The following BMPER variants were observed in gnomAD, a reference collection of about 807,000 sequenced individuals.
BMPER encodes the protein BMP binding endothelial regulator, also known as BMP-binding endothelial regulator protein.
BMPER carries 45 observed loss-of-function variants against 87.3 expected under a neutral mutation model. The observed-to-expected ratio is 0.52, with a 90% CI of 0.41 to 0.66. The LOEUF (loss-of-function observed/expected upper bound fraction) is 0.66, where lower values mean the gene tolerates loss of function less well. Ranked by LOEUF, BMPER falls within the 30% of genes least tolerant of loss-of-function variation. The pLI is 0.00. For missense variants in BMPER, 784 were observed against 867.5 expected (o/e 0.90, Z 1.21); for synonymous variants, 326 against 316.2 (o/e 1.03, Z -0.33).
At chr7:33,973,183 T>G (rs1000104305) in intron 5 of BMPER, among the ~76,000 whole-genome samples, 6 of 152,202 alleles carry the variant, frequency 3.9e-5, no homozygotes, top group Non-Finnish European at 7.3e-5. Context: ...AGTGGTCAGG[T>G]GTAGATTGTT....
chr7:34,004,404 T>G (rs1786669974), intron 6 of BMPER, among the ~76,000 whole-genome samples: 1 of 152,152 alleles, frequency 6.6e-6, no homozygotes, highest in African/African-American at 2.4e-5. Context: ...AAAGACAGTT[T>G]ATATTGCTTA....
chr7:34,075,321 A>G (rs1788835749), intron 11 of BMPER, among the ~76,000 whole-genome samples: 1 of 152,232 alleles, frequency 6.6e-6, no homozygotes, highest in Non-Finnish European at 1.5e-5. Flanking sequence ...ATTGTAAACA[A>G]TGAAATGTAA....
chr7:33,908,605 T>C (rs1315172056), intron 2 of BMPER, among the ~76,000 whole-genome samples: 1 of 152,196 alleles, frequency 6.6e-6, no homozygotes, highest in East Asian at 1.9e-4. Flanking sequence ...GGGAGTGATA[T>C]TTATTACAGA....
At chr7:34,118,813 A>G (rs1041046221) in intron 13 of BMPER, among the ~76,000 whole-genome samples, 1 of 152,154 alleles carries the variant, frequency 6.6e-6, no homozygotes, top group African/African-American at 2.4e-5. Context: ...GAAGGCCTTC[A>G]TAGAAAAAGG....
At chr7:33,974,325 C>T (rs1785624665) in intron 5 of BMPER, among the ~76,000 whole-genome samples, 1 of 152,086 alleles carries the variant, frequency 6.6e-6, no homozygotes, top group African/African-American at 2.4e-5. Context: ...GCTCCAAGCC[C>T]ATGGTTGACT....
rs1791286985 is a variant in BMPER at position 34,155,553 on chromosome 7, G to C, written c.*2280G>C. ...TTAGCTGGGGATTAGCTTAATCTCT[G>C]TACATTTTTCTCATTTCTAATTGAA... is the stretch of plus-strand genomic sequence containing the variant. On this transcript the variant is annotated 3_prime_UTR_variant, in exon 15 of 15. Transcript: ENST00000649409. The C allele has an allele frequency of 6.6e-6, 1 of 152,178 alleles. No individual in the cohort carries two copies. Among genetic ancestry groups the C allele is most frequent in the Admixed American group, 6.5e-5 (1 of 15,280 alleles). 9.4% of individuals were successfully genotyped at this position (152,178 alleles called of 1,614,324 possible).
intron 13 of BMPER, among the ~76,000 whole-genome samples, chr7:34,120,621 T>C (rs10215804): frequency 0.82 from 124,561 of 151,924 alleles, 51,265 homozygotes; most frequent in East Asian, 0.95. Flanking sequence ...TGATCTCGAA[T>C]TCCCGACCTC....
chr7:34,078,371 T>C (rs1788921670), intron 11 of BMPER, among the ~76,000 whole-genome samples: 1 of 152,216 alleles, frequency 6.6e-6, no homozygotes, highest in South Asian at 2.1e-4. Flanking sequence ...GTGTTGAGTA[T>C]CAGCTTTCCT....
chr7:33,995,578 A>G (rs1303033489), intron 6 of BMPER, among the ~76,000 whole-genome samples: 1 of 152,210 alleles, frequency 6.6e-6, no homozygotes, highest in African/African-American at 2.4e-5. Context: ...ATGCCTCCAC[A>G]TTAGCATAAA....
intron 6 of BMPER, among the ~76,000 whole-genome samples, chr7:33,989,992 A>T (rs1479903592): frequency 6.6e-6 from 1 of 152,088 alleles, no homozygotes; most frequent in Non-Finnish European, 1.5e-5. Flanking sequence ...TTTTGGTACC[A>T]GTACCATGCT....
chr7:34,048,518 A>G (rs1788053219), intron 7 of BMPER, among the ~76,000 whole-genome samples: 1 of 152,176 alleles, frequency 6.6e-6, no homozygotes, highest in Non-Finnish European at 1.5e-5. Context: ...GTGTGGCACA[A>G]ATCATCATGC....
chr7:34,131,251 G>A (rs1020685841), intron 13 of BMPER, among the ~76,000 whole-genome samples: 4 of 152,134 alleles, frequency 2.6e-5, no homozygotes, highest in South Asian at 4.1e-4. Flanking sequence ...GGGACGGGTA[G>A]CACCCTGTTT....
rs544204773 is a variant in BMPER at position 34,140,940 on chromosome 7, G to A, written c.1746-2290G>A. On this transcript the variant is annotated intron_variant, in intron 13 of 14. Coordinates refer to ENST00000649409, the MANE Select transcript of BMPER (RefSeq NM_001365308.1). ...CATCCAGGTCTTGGCAGTGGGAGCCGTGTATACAGAAAGAGACCCACCCCC... is the reference window on the plus strand; with the variant it reads ...CATCCAGGTCTTGGCAGTGGGAGCCATGTATACAGAAAGAGACCCACCCCC... Among the ~76,000 whole-genome samples, 150 of 152,256 alleles carry A rather than the reference G, an allele frequency of 9.9e-4. 1 individual carries two copies. The highest frequency in any genetic ancestry group is 1.5e-3 in the South Asian group (7 of 4,822).
intron 14 of BMPER, among the ~76,000 whole-genome samples, chr7:34,145,481 A>C (rs1280671861): frequency 1.3e-5 from 2 of 152,288 alleles, no homozygotes; most frequent in East Asian, 3.9e-4. Flanking sequence ...TGAGGCTGCT[A>C]AAAGGTGAGG....
At chr7:33,943,797 C>G (rs1247140584) in intron 3 of BMPER, among the ~76,000 whole-genome samples, 1 of 152,190 alleles carries the variant, frequency 6.6e-6, no homozygotes, top group Non-Finnish European at 1.5e-5. Context: ...TCCCCCACTT[C>G]ACACTGCAAC....
chr7:34,082,780 G>A (rs995105517), intron 12 of BMPER, among the ~76,000 whole-genome samples: 9 of 152,292 alleles, frequency 5.9e-5, no homozygotes, highest in East Asian at 1.9e-4. Context: ...TAGTAAAGAC[G>A]TTGGAAATCC....
At chr7:33,920,418 G>GTTTTTTTTTTTTTTTTTTTTTTTTTT (rs879327540) in intron 2 of BMPER, among the ~76,000 whole-genome samples, 1 of 99,940 alleles carries the variant, frequency 1.0e-5, no homozygotes, top group Non-Finnish European at 1.9e-5. Flanking sequence ...AAACTCCGTT[G>GTTTTTTTTTTTTTTTTTTTTTTTTTT]TGTTTTTTTT....
intron 14 of BMPER, among the ~76,000 whole-genome samples, chr7:34,152,121 C>G (rs1343145808): frequency 6.6e-6 from 1 of 152,074 alleles, no homozygotes; most frequent in Non-Finnish European, 1.5e-5. Flanking sequence ...GATTCCTTAC[C>G]AGGTATTATT....
chr7:33,964,467 T>G, intron 3 of BMPER, among the ~76,000 whole-genome samples: 1 of 152,242 alleles, frequency 6.6e-6, no homozygotes, highest in South Asian at 2.1e-4. Flanking sequence ...CAATGTGACC[T>G]TCGTCCAATT....
Sources: gnomAD v4.1 joint callset for allele counts (sites outside exome capture counted in the v4.1 genomes callset) on GRCh38, gnomAD v4.1.1 for gene constraint, MANE v1.5 for transcripts, NCBI Gene and HGNC (gene_info 2026-07-23, HGNC 2026-07-21) for gene names.